CNTN5: variants seen among roughly 807,000 people sequenced by gnomAD.
CNTN5 encodes contactin 5.
Under a neutral mutation model 129.1 loss-of-function variants are expected in CNTN5, and 77 were observed. That is an observed-to-expected ratio of 0.60 (90% CI 0.50 to 0.72). The LOEUF is 0.72. Ranked by LOEUF, CNTN5 falls within the 30% of genes least tolerant of loss-of-function variation. The pLI is 0.00. For missense variants in CNTN5, 1,478 were observed against 1,328.8 expected (o/e 1.11, Z -1.75); for synonymous variants, 509 against 465.6 (o/e 1.09, Z -1.20).
intron 8 of CNTN5, among the ~76,000 whole-genome samples, chr11:99,993,537 T>G (rs566395285): frequency 6.6e-6 from 1 of 152,288 alleles, no homozygotes; most frequent in South Asian, 2.1e-4. Flanking sequence ...AGGCTTTAGA[T>G]TCTCATAAGG....
At chr11:99,760,566 T>C (rs1944545473) in intron 3 of CNTN5, among the ~76,000 whole-genome samples, 1 of 152,180 alleles carries the variant, frequency 6.6e-6, no homozygotes, top group African/African-American at 2.4e-5. Context: ...TATTTCTTGC[T>C]AAAAATGGTT....
intron 1 of CNTN5, among the ~76,000 whole-genome samples, chr11:99,127,925 A>G (rs78781346): frequency 0.081 from 12,305 of 152,204 alleles, 662 homozygotes; most frequent in South Asian, 0.12. Context: ...AACTTTCTTC[A>G]GGGCTCTCTA....
At chr11:99,906,885 T>C (rs1591397740) in intron 6 of CNTN5, among the ~76,000 whole-genome samples, 2 of 151,486 alleles carry the variant, frequency 1.3e-5, no homozygotes, top group African/African-American at 2.4e-5. Context: ...AGGGTGTATA[T>C]GTCCAGATTT....
rs189249777 is a variant in CNTN5 at position 99,242,375 on chromosome 11, A to G, written c.-209-82971A>G. Among the ~76,000 whole-genome samples, 211 of 152,270 alleles carry G rather than the reference A, an allele frequency of 1.4e-3. 2 individuals carry two copies. Among genetic ancestry groups the G allele is most frequent in the Non-Finnish European group, 8.8e-5 (6 of 67,982 alleles). On this transcript the variant is annotated intron_variant, in intron 1 of 24. Coordinates refer to ENST00000524871, the MANE Select transcript of CNTN5 (RefSeq NM_014361.4). Reference sequence around the variant, plus strand: ...TCATTCAAGAGTCTACTTACAAGTCATGTTAAAGTATTTACATTAAGACAA... The same window carrying G: ...TCATTCAAGAGTCTACTTACAAGTCGTGTTAAAGTATTTACATTAAGACAA...
chr11:100,127,686 C>T (rs1227738673), intron 13 of CNTN5, among the ~76,000 whole-genome samples: 1 of 102,544 alleles, frequency 9.8e-6, no homozygotes, highest in Admixed American at 1.5e-4. Flanking sequence ...GAGATGGAGT[C>T]TCTCTCTTGT....
chr11:99,765,175 T>C (rs1295976345), intron 3 of CNTN5, among the ~76,000 whole-genome samples: 4 of 152,042 alleles, frequency 2.6e-5, no homozygotes, highest in Non-Finnish European at 5.9e-5. Context: ...GTCCAGTTTC[T>C]CTATTAGAAA....
intron 13 of CNTN5, among the ~76,000 whole-genome samples, chr11:100,075,988 C>T (rs1193060467): frequency 6.6e-6 from 1 of 152,026 alleles, no homozygotes; most frequent in Non-Finnish European, 1.5e-5. Flanking sequence ...AAAAGAATTT[C>T]TCATTCTTAG....
At chr11:99,127,308 T>TAC (rs1412766796) in intron 1 of CNTN5, among the ~76,000 whole-genome samples, 4 of 152,216 alleles carry the variant, frequency 2.6e-5, no homozygotes, top group African/African-American at 9.6e-5. Context: ...GTCATAAATG[T>TAC]TCATCTACAA....
intron 6 of CNTN5, among the ~76,000 whole-genome samples, chr11:99,871,670 T>A (rs777670061): frequency 7.9e-5 from 12 of 152,016 alleles, no homozygotes; most frequent in Non-Finnish European, 1.2e-4. Flanking sequence ...TTTTTGTGGA[T>A]CCATTGTCTT....
intron 6 of CNTN5, among the ~76,000 whole-genome samples, chr11:99,900,385 A>G (rs1257577792): frequency 6.6e-6 from 1 of 151,960 alleles, no homozygotes; most frequent in Non-Finnish European, 1.5e-5. Flanking sequence ...AACACATTTG[A>G]TCATGGTGGA....
intron 2 of CNTN5, among the ~76,000 whole-genome samples, chr11:99,346,006 G>C (rs1193366939): frequency 1.3e-5 from 2 of 152,126 alleles, no homozygotes; most frequent in African/African-American, 4.8e-5. Flanking sequence ...ATGAAAAATA[G>C]TTAGCCCACA....
chr11:99,788,510 GA>G (rs1360703763), intron 3 of CNTN5, among the ~76,000 whole-genome samples: 1 of 151,886 alleles, frequency 6.6e-6, no homozygotes, highest in African/African-American at 2.4e-5. Flanking sequence ...TTTGTAATGA[GA>G]AATGATGAAA....
At chr11:99,137,844 G>C (rs776818293) in intron 1 of CNTN5, among the ~76,000 whole-genome samples, 30 of 151,934 alleles carry the variant, frequency 2.0e-4, no homozygotes, top group Non-Finnish European at 4.3e-4. Flanking sequence ...GCAGATTAAA[G>C]TAAGGGTATT....
chr11:100,350,706 T>C lies in CNTN5; in HGVS notation c.3035T>C (p.Phe1012Ser). The C allele has an allele frequency of 6.3e-7, 1 of 1,599,866 alleles. No individual in the cohort carries two copies. Among genetic ancestry groups the C allele is most frequent in the Non-Finnish European group, 8.5e-7 (1 of 1,173,000 alleles). The change falls in exon 24 of 25, where the codon TTT (phenylalanine) becomes TCT (serine). Residue 1012 changes from phenylalanine to serine, a missense_variant. Physicochemically the swap from Phe to Ser is radical, Grantham distance 155. Transcript: ENST00000524871. Reference protein sequence around the residue: ...NESEVVGYKVFYRQEGHSNSQ... With the variant: ...NESEVVGYKVSYRQEGHSNSQ... Reference sequence around the variant, plus strand: ...AAACCTTGTTATTACTCTCAGGTTTTTTATAGGCAAGAGGGTCACAGCAAC... The same window carrying C: ...AAACCTTGTTATTACTCTCAGGTTTCTTATAGGCAAGAGGGTCACAGCAAC...
At chr11:100,331,417 A>G (rs969305021) in intron 21 of CNTN5, among the ~76,000 whole-genome samples, 1 of 152,156 alleles carries the variant, frequency 6.6e-6, no homozygotes, top group Admixed American at 6.5e-5. Flanking sequence ...ACAGTGCTAG[A>G]TAGGTCATCA....
intron 2 of CNTN5, among the ~76,000 whole-genome samples, chr11:99,455,167 T>C (rs965797141): frequency 6.6e-6 from 1 of 152,128 alleles, no homozygotes; most frequent in Non-Finnish European, 1.5e-5. Context: ...ACTCCAAAGT[T>C]GGCCCTCAAG....
chr11:99,463,860 G>T (rs1187282540), intron 2 of CNTN5, among the ~76,000 whole-genome samples: 2 of 152,086 alleles, frequency 1.3e-5, no homozygotes, highest in Non-Finnish European at 1.5e-5. Context: ...TCAGAAGCTC[G>T]TCTTATATAG....
chr11:99,826,482 C>G (rs1280201300), intron 4 of CNTN5, among the ~76,000 whole-genome samples: 1 of 152,148 alleles, frequency 6.6e-6, no homozygotes, highest in Non-Finnish European at 1.5e-5. Context: ...TTATAGGTAT[C>G]ATGACAGAGG....
chr11:100,119,866 G>GAATT (rs1271853302), intron 13 of CNTN5, among the ~76,000 whole-genome samples: 1 of 151,882 alleles, frequency 6.6e-6, no homozygotes, highest in East Asian at 1.9e-4. Flanking sequence ...TAAACTGCCT[G>GAATT]AATTAGGCAA....
Sources: gnomAD v4.1 joint callset for allele counts (sites outside exome capture counted in the v4.1 genomes callset) on GRCh38, gnomAD v4.1.1 for gene constraint, MANE v1.5 for transcripts, NCBI Gene and HGNC (gene_info 2026-07-23, HGNC 2026-07-21) for gene names.